The following NEGR1 variants were observed in gnomAD, a reference collection of about 807,000 sequenced individuals.
NEGR1 encodes IgLON family member 4.
NEGR1 carries 10 observed loss-of-function variants against 40.9 expected under a neutral mutation model. The observed-to-expected ratio is 0.24, with a 90% CI of 0.15 to 0.42. NEGR1 has a LOEUF of 0.42. Ranked by LOEUF, NEGR1 falls within the 10% of genes least tolerant of loss-of-function variation. The pLI is 1.00. For synonymous variants in NEGR1, 185 were observed against 166.8 expected (o/e 1.11, Z -0.84); for missense variants, 352 against 438.9 (o/e 0.80, Z 1.77).
chr1:71,792,886 C>G (rs1031610552), intron 2 of NEGR1, among the ~76,000 whole-genome samples: 3 of 151,988 alleles, frequency 2.0e-5, no homozygotes, highest in Non-Finnish European at 4.4e-5. Flanking sequence ...TTATTTCTTT[C>G]TAGGTGTTGC....
At chr1:71,662,727 C>A (rs1194912030) in intron 4 of NEGR1, among the ~76,000 whole-genome samples, 1 of 151,276 alleles carries the variant, frequency 6.6e-6, no homozygotes, top group Non-Finnish European at 1.5e-5. Context: ...TGGAAATACA[C>A]ACGGAAAACA....
chr1:71,907,709 A>G (rs1285483695), intron 2 of NEGR1, among the ~76,000 whole-genome samples: 1 of 152,160 alleles, frequency 6.6e-6, no homozygotes, highest in Non-Finnish European at 1.5e-5. Flanking sequence ...TTGTACGTTC[A>G]TTGCAGCACT....
At position 72,099,874 on chromosome 1, in the gene NEGR1, T is replaced by A. The variant is rs557609611; in HGVS notation, c.177-164563A>T. 6.0e-3 allele frequency among the ~76,000 whole-genome samples: 911 copies of A among 151,008 alleles called. 13 individuals carry two copies. Among genetic ancestry groups the A allele is most frequent in the African/African-American group, 0.021 (876 of 40,992 alleles). On this transcript the variant is annotated intron_variant, in intron 1 of 6. Coordinates refer to ENST00000357731, the MANE Select transcript of NEGR1 (RefSeq NM_173808.3). Reference sequence around the variant, plus strand: ...ATTTCAATGTATACATTATATATACTCTCTCTCTCTCCATATATATATATA... The same window carrying A: ...ATTTCAATGTATACATTATATATACACTCTCTCTCTCCATATATATATATA...
At chr1:71,938,312 TGTA>T (rs1645927883) in intron 1 of NEGR1, among the ~76,000 whole-genome samples, 2 of 151,896 alleles carry the variant, frequency 1.3e-5, no homozygotes, top group South Asian at 4.2e-4. Context: ...AGAGAATACA[TGTA>T]GTTTAAAGGT....
chr1:72,065,340 A>T (rs1647247162), intron 1 of NEGR1, among the ~76,000 whole-genome samples: 1 of 152,022 alleles, frequency 6.6e-6, no homozygotes, highest in Non-Finnish European at 1.5e-5. Context: ...CTGCCCTCAT[A>T]ATTTACTGTC....
At chr1:72,281,914 G>T (rs1346773295) in intron 1 of NEGR1, among the ~76,000 whole-genome samples, 1 of 152,154 alleles carries the variant, frequency 6.6e-6, no homozygotes, top group Non-Finnish European at 1.5e-5. Flanking sequence ...TGGGAGCAGA[G>T]AACAGCAGTT....
At chr1:71,408,060 T>C (rs1432152357) in intron 6 of NEGR1, among the ~76,000 whole-genome samples, 1 of 152,054 alleles carries the variant, frequency 6.6e-6, no homozygotes, top group Non-Finnish European at 1.5e-5. Context: ...CTTCAAACAA[T>C]TATAATACAG....
At chr1:72,087,295 G>A (rs1648260244) in intron 1 of NEGR1, among the ~76,000 whole-genome samples, 1 of 152,048 alleles carries the variant, frequency 6.6e-6, no homozygotes, top group South Asian at 2.1e-4. Flanking sequence ...GCCAGGCAAG[G>A]TGGCGCGGAT....
At chr1:72,066,540 T>C (rs948566556) in intron 1 of NEGR1, among the ~76,000 whole-genome samples, 1 of 152,112 alleles carries the variant, frequency 6.6e-6, no homozygotes, top group East Asian at 1.9e-4. Flanking sequence ...TGGAGATAGA[T>C]TCCTTAAGGA....
chr1:71,697,613 T>A (rs907519353), intron 4 of NEGR1, among the ~76,000 whole-genome samples: 1 of 151,860 alleles, frequency 6.6e-6, no homozygotes, highest in Non-Finnish European at 1.5e-5. Flanking sequence ...TGAGTACAGA[T>A]GAGTATACTT....
intron 6 of NEGR1, among the ~76,000 whole-genome samples, chr1:71,499,002 C>T (rs979492769): frequency 3.3e-5 from 5 of 152,152 alleles, no homozygotes; most frequent in Non-Finnish European, 5.9e-5. Flanking sequence ...CTGCTGACTA[C>T]GGACTTCTGA....
At chr1:71,985,297 G>T (rs1418320168) in intron 1 of NEGR1, among the ~76,000 whole-genome samples, 1 of 152,136 alleles carries the variant, frequency 6.6e-6, no homozygotes, top group Non-Finnish European at 1.5e-5. Context: ...AGATACGCTG[G>T]CTATTTCTTG....
intron 4 of NEGR1, among the ~76,000 whole-genome samples, chr1:71,679,256 T>A (rs1003994306): frequency 6.6e-6 from 1 of 152,112 alleles, no homozygotes; most frequent in African/African-American, 2.4e-5. Flanking sequence ...TTAGAATCAG[T>A]TTTTAAAGTT....
chr1:72,044,330 T>TAA (rs534733009), intron 1 of NEGR1, among the ~76,000 whole-genome samples: 110 of 131,602 alleles, frequency 8.4e-4, no homozygotes, highest in Admixed American at 1.5e-3. Flanking sequence ...AGGTCTAAGT[T>TAA]AAAAAAAAAA....
At chr1:72,023,132 G>A (rs3102906) in intron 1 of NEGR1, among the ~76,000 whole-genome samples, 52,454 of 151,866 alleles carry the variant, frequency 0.35, 11,075 homozygotes, top group African/African-American at 0.59. Flanking sequence ...ACTGTACTCC[G>A]GTGTTCTCCT....
intron 1 of NEGR1, among the ~76,000 whole-genome samples, chr1:72,081,861 A>G (rs1004546342): frequency 5.3e-5 from 8 of 152,194 alleles, no homozygotes; most frequent in Middle Eastern, 3.4e-3. Context: ...CCTCTTAGCA[A>G]TGACAAGTAC....
intron 1 of NEGR1, among the ~76,000 whole-genome samples, chr1:71,999,680 C>CAT (rs201651124): frequency 3.1e-5 from 1 of 31,904 alleles, no homozygotes. Flanking sequence ...TATATATATA[C>CAT]ATACATATTT....
intron 4 of NEGR1, among the ~76,000 whole-genome samples, chr1:71,689,334 C>T (rs76567847): frequency 0.013 from 1,991 of 152,180 alleles, 45 homozygotes; most frequent in African/African-American, 0.045. Context: ...ATCAGAAAAA[C>T]ATCAGAATGT....
chr1:72,069,408 C>A (rs1182488229), intron 1 of NEGR1, among the ~76,000 whole-genome samples: 2 of 151,740 alleles, frequency 1.3e-5, no homozygotes, highest in African/African-American at 4.8e-5. Context: ...TGGGCCACTG[C>A]ACTCCAGCTT....
Sources: gnomAD v4.1 joint callset for allele counts (sites outside exome capture counted in the v4.1 genomes callset) on GRCh38, gnomAD v4.1.1 for gene constraint, MANE v1.5 for transcripts, NCBI Gene and HGNC (gene_info 2026-07-23, HGNC 2026-07-21) for gene names.